Variants in PNPT1 observed in about 807,000 individuals in gnomAD.
The protein encoded by PNPT1 is polyribonucleotide nucleotidyltransferase 1, mitochondrial.
A neutral mutation model predicts 119.5 loss-of-function variants in PNPT1; 53 were observed. The observed-to-expected ratio is 0.44, with a 90% CI of 0.36 to 0.56. The LOEUF is 0.56. Ranked by LOEUF, PNPT1 falls within the 20% of genes least tolerant of loss-of-function variation. The pLI is 0.00. For synonymous variants in PNPT1, 357 were observed against 322.1 expected (o/e 1.11, Z -1.16); for missense variants, 948 against 938.5 (o/e 1.01, Z -0.13).
intron 1 of PNPT1, among the ~76,000 whole-genome samples, chr2:55,691,346 A>G (rs975145523): frequency 6.6e-6 from 1 of 152,244 alleles, no homozygotes; most frequent in African/African-American, 2.4e-5. Flanking sequence ...TACAATAATT[A>G]TATAATCTTC....
At position 55,643,320 on chromosome 2, in the gene PNPT1, T is replaced by C. The variant is rs144252007; in HGVS notation, c.2012A>G (p.Asp671Gly). The C allele has an allele frequency of 1.7e-5, 28 of 1,613,764 alleles. No homozygotes were observed. Among genetic ancestry groups the C allele is most frequent in the Non-Finnish European group, 2.3e-5 (27 of 1,179,742 alleles). ...GTAATTAATATGATCTATACTTACA[T>C]CATCCTTGCAGATTTCAGTAATGAA... ...RDFITEICKD[D>G]QEQQLEFGAV... The change falls in exon 24 of 28, where the codon GAT becomes GGT. Residue 671 changes from aspartate (D) to glycine (G), a missense_variant and splice_region_variant. Transcript: ENST00000447944.
At chr2:55,645,563 C>T (rs1261305987) in intron 21 of PNPT1, 131 bp from the exon 22 acceptor site, 58 of 569,686 alleles carry the variant, frequency 1.0e-4, no homozygotes, top group Non-Finnish European at 1.7e-4. Context: ...ATCCCTATTA[C>T]CTTGAAAATT....
chr2:55,673,734 C>T (rs1696982421), intron 8 of PNPT1, among the ~76,000 whole-genome samples: 1 of 152,214 alleles, frequency 6.6e-6, no homozygotes, highest in Non-Finnish European at 1.5e-5. Context: ...ACGTGAGCCA[C>T]TGTGCCTGGC....
intron 11 of PNPT1, among the ~76,000 whole-genome samples, chr2:55,668,636 G>C (rs1696811461): frequency 6.6e-6 from 1 of 151,588 alleles, no homozygotes; most frequent in Non-Finnish European, 1.5e-5. Flanking sequence ...TTTTGCTCTT[G>C]TTGCCCAGGC....
intron 26 of PNPT1, among the ~76,000 whole-genome samples, 183 bp from the exon 27 acceptor site, chr2:55,637,782 G>A (rs1022136736): frequency 1.3e-5 from 2 of 151,924 alleles, no homozygotes; most frequent in African/African-American, 4.8e-5. Flanking sequence ...AGATCAAGAG[G>A]TCAGGAGATT....
At position 55,646,320 on chromosome 2, in the gene PNPT1, A is replaced by G; in HGVS notation, c.1677T>C (p.Ala559=). 1.9e-6 allele frequency: 3 copies of G among 1,611,452 alleles called. No individual in the cohort carries two copies. The highest frequency in any genetic ancestry group is 2.2e-5 in the South Asian group (2 of 90,718). The stretch of plus-strand genomic sequence containing the variant: ...TTGGTATTCCAGGTAATTTAATATC[A>G]GCCTAATATGGAAAAGTCAAACAAT... ...GTNKGITALQ[A]DIKLPGIPIK... is the part of the protein sequence containing the mutation. The change falls in exon 21 of 28, where the codon GCT becomes GCC. Residue 559 remains alanine, a splice_region_variant and synonymous_variant. Transcript: ENST00000447944.
At chr2:55,681,490 C>G (rs1697247170) in intron 5 of PNPT1, among the ~76,000 whole-genome samples, 1 of 152,096 alleles carries the variant, frequency 6.6e-6, no homozygotes, top group East Asian at 1.9e-4. Context: ...AGGTAAAGCA[C>G]TTATCACAGT....
chr2:55,691,874 ATATATTTTTTTTTTT>A (rs1387345133), intron 1 of PNPT1, among the ~76,000 whole-genome samples: 1 of 12,370 alleles, frequency 8.1e-5, no homozygotes, highest in African/African-American at 1.9e-4. Context: ...ATATATATAT[ATATATTTTTTTTTTT>A]TTTTTTTTTT....
At chr2:55,689,130 TAAGA>T (rs1337563764) in intron 1 of PNPT1, among the ~76,000 whole-genome samples, 1 of 152,126 alleles carries the variant, frequency 6.6e-6, no homozygotes, top group African/African-American at 2.4e-5. Context: ...AAACTTTAAT[TAAGA>T]AAGTAAAAGA....
At chr2:55,667,813 T>G in intron 12 of PNPT1, 49 bp downstream of exon 12, 1 of 1,564,876 alleles carries the variant, frequency 6.4e-7, no homozygotes, top group Non-Finnish European at 8.6e-7. Flanking sequence ...TCAAGGCAAC[T>G]TGCAGAGACA....
intron 1 of PNPT1, among the ~76,000 whole-genome samples, chr2:55,688,004 G>A (rs1195960214): frequency 2.0e-5 from 3 of 150,722 alleles, no homozygotes; most frequent in Non-Finnish European, 4.4e-5. Flanking sequence ...TTTTTTTTTT[G>A]AGGTGGGGGG....
chr2:55,654,809 C>G, intron 18 of PNPT1, 91 bp downstream of exon 18: 1 of 1,224,964 alleles, frequency 8.2e-7, no homozygotes, highest in Non-Finnish European at 1.2e-6. Context: ...CTCCCAGCCT[C>G]AAGTGAGCCT....
rs187494023 is a variant in PNPT1, at chr2:55,683,352, C to T, written c.453+433G>A. ...TCTTTTGGCCAGGCACAGTGGCTCA[C>T]GCCTGTAATCCTAGCACTTTGGGAG... is the stretch of plus-strand genomic sequence containing the variant. On this transcript the variant is annotated intron_variant, in intron 5 of 27. Coordinates refer to ENST00000447944, the MANE Select transcript of PNPT1 (RefSeq NM_033109.5). Among the ~76,000 whole-genome samples the T allele has an allele frequency of 6.7e-3, 1,027 of 152,238 alleles. 4 individuals are homozygous for T. Among genetic ancestry groups the T allele is most frequent in the Non-Finnish European group, 0.011 (736 of 68,006 alleles).
intron 6 of PNPT1, 32 bp from the exon 7 acceptor site, chr2:55,680,791 TA>T: frequency 6.2e-7 from 1 of 1,612,662 alleles, no homozygotes; most frequent in South Asian, 1.1e-5. Flanking sequence ...GGGCCGAAAT[TA>T]AAATTTCATT....
intron 25 of PNPT1, among the ~76,000 whole-genome samples, chr2:55,642,605 CAAAAAAAAAAAAA>C (rs559417017): frequency 6.8e-5 from 3 of 44,224 alleles, no homozygotes; most frequent in South Asian, 2.4e-3. Flanking sequence ...GACTCTGTCC[CAAAAAAAAAAAAA>C]AAAAAAAAAA....
chr2:55,664,199 G>A (rs757276898), intron 13 of PNPT1, among the ~76,000 whole-genome samples: 13 of 152,198 alleles, frequency 8.5e-5, no homozygotes, highest in Non-Finnish European at 1.6e-4. Flanking sequence ...GGGGGTTTAT[G>A]ACACATGTAG....
chr2:55,666,201 C>A (rs782638), intron 13 of PNPT1, among the ~76,000 whole-genome samples: 141,498 of 152,278 alleles, frequency 0.93, 66,282 homozygotes, highest in African/African-American at 0.96. Flanking sequence ...AGGAAGAAGG[C>A]ATTACAAAAA....
intron 12 of PNPT1, among the ~76,000 whole-genome samples, chr2:55,667,572 C>T (rs1307430316): frequency 6.9e-6 from 1 of 145,338 alleles, no homozygotes; most frequent in Non-Finnish European, 1.5e-5. Flanking sequence ...GGTGACAGAG[C>T]GAGACTCTGT....
At chr2:55,686,337 T>G in intron 3 of PNPT1, 33 bp downstream of exon 3, 1 of 1,561,364 alleles carries the variant, frequency 6.4e-7, no homozygotes, top group South Asian at 1.1e-5. Context: ...ACTCAGACCA[T>G]ATTACAGTTC....
Sources: allele counts gnomAD v4.1 joint callset (sites outside exome capture counted in the v4.1 genomes callset), GRCh38; gene constraint gnomAD v4.1.1; transcripts MANE v1.5; gene names NCBI Gene and HGNC (gene_info 2026-07-23, HGNC 2026-07-21).